The following CCDC18 variants were observed in gnomAD, a reference collection of about 807,000 sequenced individuals.
CCDC18 encodes coiled-coil domain containing 18, also known as coiled-coil domain-containing protein 18.
CCDC18 carries 157 observed loss-of-function variants against 196.0 expected under a neutral mutation model. That is an observed-to-expected ratio of 0.80 (90% CI 0.70 to 0.91). The LOEUF (loss-of-function observed/expected upper bound fraction) is 0.91. CCDC18 is among the 40% of genes least tolerant of loss of function. The probability of loss-of-function intolerance (pLI) is 0.00; values close to 1 mark genes in which losing one functional copy is unlikely to be tolerated. For missense variants in CCDC18, 1,465 were observed against 1,611.6 expected (o/e 0.91, Z 1.56); for synonymous variants, 482 against 529.2 (o/e 0.91, Z 1.22).
upstream of CCDC18, chr1:93,180,368 C>G (rs1557584339): frequency 7.6e-7 from 1 of 1,315,716 alleles, no homozygotes; most frequent in Non-Finnish European, 1.0e-6. Flanking sequence ...AGGTGGCGGC[C>G]GCGGCGGCGG....
chr1:93,278,055 C>T (rs1177021707), intron 28 of CCDC18, among the ~76,000 whole-genome samples: 4 of 151,898 alleles, frequency 2.6e-5, no homozygotes, highest in Non-Finnish European at 5.9e-5. Context: ...GGTGCGATCT[C>T]GGCTCCCTGC....
intron 18 of CCDC18, among the ~76,000 whole-genome samples, chr1:93,235,741 A>G (rs1398128339): frequency 6.6e-6 from 1 of 152,190 alleles, no homozygotes; most frequent in Non-Finnish European, 1.5e-5. Context: ...AAAAATGAAT[A>G]GGAATTGAAT....
In CCDC18 at chr1:93,205,644, G is replaced by A; in HGVS notation, c.917+13G>A. 1 of 1,572,510 alleles carries A rather than the reference G, an allele frequency of 6.4e-7. No individual in the cohort carries two copies. Among genetic ancestry groups the A allele is most frequent in the Non-Finnish European group, 8.6e-7 (1 of 1,164,298 alleles). Reference sequence around the variant, plus strand: ...AAGAGAAATTAAGGTACAGTATTCTGTTGTAGAAAAAGGATTTTTGTGTGG... The same window carrying A: ...AAGAGAAATTAAGGTACAGTATTCTATTGTAGAAAAAGGATTTTTGTGTGG... On this transcript the variant is annotated intron_variant, in intron 8 of 28. Coordinates refer to ENST00000690025, the MANE Select transcript of CCDC18 (RefSeq NM_001378204.1).
At chr1:93,204,047 G>C (rs775496369) in intron 7 of CCDC18, among the ~76,000 whole-genome samples, 2 of 152,092 alleles carry the variant, frequency 1.3e-5, no homozygotes, top group African/African-American at 2.4e-5. Context: ...GTGTGTGGTG[G>C]GTTGGGAGAG....
chr1:93,194,180 T>G (rs1268896871), intron 6 of CCDC18, among the ~76,000 whole-genome samples: 1 of 152,166 alleles, frequency 6.6e-6, no homozygotes, highest in African/African-American at 2.4e-5. Context: ...AATGTGTGCT[T>G]GGATCTTCCT....
intron 18 of CCDC18, 65 bp downstream of exon 18, chr1:93,232,658 G>T: frequency 7.8e-7 from 1 of 1,280,394 alleles, no homozygotes; most frequent in Non-Finnish European, 1.1e-6. Context: ...ATCATGAATA[G>T]ATTTTTCGTT....
chr1:93,240,998 C>G (rs1557677565), intron 21 of CCDC18, among the ~76,000 whole-genome samples: 1 of 152,092 alleles, frequency 6.6e-6, no homozygotes, highest in East Asian at 1.9e-4. Context: ...CAGATTCTTG[C>G]CCAGGTTGGA....
intron 1 of CCDC18, among the ~76,000 whole-genome samples, chr1:93,182,229 T>C (rs1309597677): frequency 6.6e-6 from 1 of 152,228 alleles, no homozygotes; most frequent in Non-Finnish European, 1.5e-5. Flanking sequence ...TTTCTTTCCA[T>C]AAGGTGGGAG....
intron 19 of CCDC18, 78 bp from the exon 20 acceptor site, chr1:93,239,232 C>T: frequency 9.3e-7 from 1 of 1,076,962 alleles, no homozygotes; most frequent in Non-Finnish European, 1.3e-6. Flanking sequence ...ATATAACTTG[C>T]AGGCTTTTTT....
chr1:93,254,564 C>T lies in CCDC18; in HGVS notation c.3292C>T (p.Leu1098=). The T allele has an allele frequency of 1.9e-6, 3 of 1,609,650 alleles. No individual in the cohort carries two copies. Among genetic ancestry groups the T allele is most frequent in the Non-Finnish European group, 2.5e-6 (3 of 1,177,918 alleles). Residue 1098 remains leucine, a synonymous_variant, in exon 24 of 29, where the codon CTG becomes TTG. Transcript: ENST00000690025. ...ACAAAATGAACAGGAGATAAGTCAA[C>T]TGAAAAAAGAAATTGAAAGAACACA... ...MLQNEQEISQ[L]KKEIERTQQR...
Position 93,225,198 on chromosome 1 carries a change from T to A in CCDC18, c.2176-1135T>A, listed in dbSNP as rs192263785. Among the ~76,000 whole-genome samples, 206 of 152,292 alleles carry A rather than the reference T, an allele frequency of 1.4e-3. 2 individuals are homozygous for A. Among genetic ancestry groups the A allele is most frequent in the Non-Finnish European group, 1.2e-3 (85 of 68,014 alleles). ...ATTAGCATTAAGAGGAAGAACACCA[T>A]TGAGAAGCTCAAATTTACAATAAAG... On this transcript the variant is annotated intron_variant, in intron 16 of 28. Coordinates refer to ENST00000690025, the MANE Select transcript of CCDC18 (RefSeq NM_001378204.1).
intron 11 of CCDC18, 64 bp downstream of exon 11, chr1:93,212,325 A>G: frequency 8.7e-7 from 1 of 1,146,562 alleles, no homozygotes. Context: ...TTTTTTTTAA[A>G]AAAACTTTTA....
intron 4 of CCDC18, among the ~76,000 whole-genome samples, chr1:93,188,334 C>CTGTAG (rs1182683897): frequency 6.6e-6 from 1 of 152,146 alleles, no homozygotes; most frequent in Non-Finnish European, 1.5e-5. Context: ...GCTTTTTGCC[C>CTGTAG]TCTACACCTG....
chr1:93,234,989 TC>T (rs1659871631), intron 18 of CCDC18, among the ~76,000 whole-genome samples: 2 of 140,288 alleles, frequency 1.4e-5, no homozygotes, highest in Non-Finnish European at 1.5e-5. Context: ...TCTTTTTTTT[TC>T]TTTTTTTTTT....
intron 6 of CCDC18, among the ~76,000 whole-genome samples, chr1:93,197,351 C>G (rs996560728): frequency 6.6e-6 from 1 of 152,006 alleles, no homozygotes; most frequent in African/African-American, 2.4e-5. Context: ...ACAGATTTAG[C>G]TATAAATCGG....
intron 26 of CCDC18, chr1:93,262,105 C>T (rs192353365): frequency 3.9e-4 from 60 of 152,236 alleles, no homozygotes; most frequent in African/African-American, 1.4e-3. Context: ...GGGGGAACCA[C>T]CCCCATGATC....
At chr1:93,180,177 C>A (rs535235504), upstream of CCDC18, 1 of 1,613,512 alleles carries the variant, frequency 6.2e-7, no homozygotes, top group African/African-American at 1.3e-5. Context: ...CCGCCCCAGG[C>A]AGCAGCACCG....
intron 17 of CCDC18, among the ~76,000 whole-genome samples, chr1:93,226,778 C>T (rs932656876): frequency 1.3e-5 from 2 of 152,106 alleles, no homozygotes; most frequent in Non-Finnish European, 2.9e-5. Flanking sequence ...AAGTGATCCA[C>T]CCACCTCGGC....
intron 23 of CCDC18, among the ~76,000 whole-genome samples, chr1:93,247,774 T>G (rs1287460965): frequency 6.6e-6 from 1 of 152,096 alleles, no homozygotes; most frequent in Non-Finnish European, 1.5e-5. Flanking sequence ...AATACAAGAT[T>G]ATATCCTCTG....
Sources: allele counts gnomAD v4.1 joint callset (sites outside exome capture counted in the v4.1 genomes callset), GRCh38; gene constraint gnomAD v4.1.1; transcripts MANE v1.5; gene names NCBI Gene and HGNC (gene_info 2026-07-23, HGNC 2026-07-21).